The following PCDHGB5 variants were observed in gnomAD, a reference collection of about 807,000 sequenced individuals.
PCDHGB5 encodes the protein protocadherin gamma-B5.
Under a neutral mutation model 62.9 loss-of-function variants are expected in PCDHGB5, and 48 were observed. The observed-to-expected ratio is 0.76, with a 90% CI of 0.61 to 0.97. The LOEUF (loss-of-function observed/expected upper bound fraction) is 0.97, where lower values mean the gene tolerates loss of function less well. PCDHGB5 is among the 50% of genes least tolerant of loss of function. PCDHGB5 has a pLI of 0.00. For missense variants in PCDHGB5, 1,118 were observed against 1,198.6 expected (o/e 0.93, Z 0.99); for synonymous variants, 474 against 511.2 (o/e 0.93, Z 0.98).
In PCDHGB5 at chr5:141,490,007, C is replaced by T. The variant is rs766407642; in HGVS notation, c.2398-4800C>T. On this transcript the variant is annotated intron_variant, in intron 1 of 3. Coordinates refer to ENST00000617380, the MANE Select transcript of PCDHGB5 (RefSeq NM_018925.3). The surrounding 1 kb of genome is among the most constrained non-coding windows in gnomAD (Gnocchi z 5.4). ...CGTGTGGGAATCCCAGAGAATGCACCCATTGGTACTCTGCTGCTCCGCCTC... is the reference window on the plus strand; with the variant it reads ...CGTGTGGGAATCCCAGAGAATGCACTCATTGGTACTCTGCTGCTCCGCCTC... 6.2e-7 allele frequency: 1 copy of T among 1,614,200 alleles called. No homozygotes were observed. The highest frequency in any genetic ancestry group is 8.5e-7 in the Non-Finnish European group (1 of 1,180,016).
In PCDHGB5 at chr5:141,400,602, A is replaced by C; in HGVS notation, c.2397+78A>C. 3.1e-6 allele frequency: 5 copies of C among 1,590,234 alleles called. No homozygotes were observed. In the South Asian group the frequency reaches 5.6e-5, roughly 18 times the overall value. ...TTACATGAAACTATCGTACATTTTCAAGTCCAATGAGTTGTCTTAGGGAAG... is the reference window on the plus strand; with the variant it reads ...TTACATGAAACTATCGTACATTTTCCAGTCCAATGAGTTGTCTTAGGGAAG... On this transcript the variant is annotated intron_variant, in intron 1 of 3. Transcript: ENST00000617380.
intron 1 of PCDHGB5, among the ~76,000 whole-genome samples, chr5:141,435,011 A>G (rs2097737147): frequency 6.6e-6 from 1 of 152,126 alleles, no homozygotes; most frequent in African/African-American, 2.4e-5. Flanking sequence ...TTTATCAATG[A>G]TAATGCTCTT....
intron 1 of PCDHGB5, among the ~76,000 whole-genome samples, chr5:141,488,238 C>G (rs374846692): frequency 6.6e-6 from 1 of 152,154 alleles, no homozygotes; most frequent in African/African-American, 2.4e-5. Context: ...GAACTAGATG[C>G]GGTAAATTGG....
rs767397479 is a variant in PCDHGB5 at position 141,430,717 on chromosome 5, T to C, written c.2397+30193T>C. On this transcript the variant is annotated intron_variant, in intron 1 of 3. Transcript: ENST00000617380. ...GCGAAGGAACTGCTCCTGACTTCAG[T>C]GGTTAAGGGCAGAATTGAAAATAAT... is the stretch of plus-strand genomic sequence containing the variant. The C allele has an allele frequency of 8.1e-6, 12 of 1,475,446 alleles. No individual in the cohort carries two copies. The East Asian group carries it at 2.4e-4, about 29-fold the overall frequency. 91.4% of individuals were successfully genotyped at this position (1,475,446 alleles called of 1,614,324 possible). A position where few individuals can be genotyped will look rare whatever the true frequency, so the allele number is the denominator to read the frequency against.
chr5:141,478,164 C>T, intron 1 of PCDHGB5: 1 of 1,614,010 alleles, frequency 6.2e-7, no homozygotes, highest in Non-Finnish European at 8.5e-7. Context: ...GGCTCTGCCC[C>T]CCGGGAGCAG....
chr5:141,478,259 T>A lies in PCDHGB5; in HGVS notation c.2398-16548T>A, dbSNP rs534973741. ...GGTCACAGTGTTCGGAGTAATCATA[T>A]TCAAAGTTTACAAGTGGAAGCAGTC... On this transcript the variant is annotated intron_variant, in intron 1 of 3. Transcript: ENST00000617380. 3.2e-5 allele frequency: 52 copies of A among 1,614,064 alleles called. No individual in the cohort carries two copies. The highest frequency in any genetic ancestry group is 4.4e-5 in the Non-Finnish European group (52 of 1,180,048).
intron 3 of PCDHGB5, among the ~76,000 whole-genome samples, chr5:141,509,265 C>G (rs1296179995): frequency 1.3e-5 from 2 of 152,138 alleles, no homozygotes; most frequent in African/African-American, 4.8e-5. Flanking sequence ...TTTAGTCACT[C>G]TCGCTACCCG....
chr5:141,468,950 T>TG (rs752125489), intron 1 of PCDHGB5, among the ~76,000 whole-genome samples: 34 of 140,680 alleles, frequency 2.4e-4, no homozygotes, highest in African/African-American at 4.9e-4. Context: ...GGTAAACCTG[T>TG]GGTTTTTTTT....
At position 141,475,845 on chromosome 5, in the gene PCDHGB5, G is replaced by A. The variant is rs2099375736; in HGVS notation, c.2398-18962G>A. On this transcript the variant is annotated intron_variant, in intron 1 of 3. Coordinates refer to ENST00000617380, the MANE Select transcript of PCDHGB5 (RefSeq NM_018925.3). ...CGCTAGCGCGTGTCCTGCTCAGAGA[G>A]CCCGGCGCTAGCTCATTCTTCGTGC... The A allele has an allele frequency of 2.0e-5, 9 of 447,884 alleles. 1 individual carries two copies. In the South Asian group the frequency reaches 2.8e-4, roughly 14 times the overall value. 27.7% of individuals were successfully genotyped at this position (447,884 alleles called of 1,614,324 possible).
intron 1 of PCDHGB5, among the ~76,000 whole-genome samples, chr5:141,468,000 C>G (rs1429450909): frequency 6.6e-6 from 1 of 152,028 alleles, no homozygotes; most frequent in East Asian, 1.9e-4. Flanking sequence ...ATTCTTTCTT[C>G]CTCTGTTATA....
chr5:141,414,376 T>G, intron 1 of PCDHGB5: 1 of 1,613,824 alleles, frequency 6.2e-7, no homozygotes, highest in Non-Finnish European at 8.5e-7. Flanking sequence ...ATTAGAAAAG[T>G]CCATTGACAG....
intron 2 of PCDHGB5, among the ~76,000 whole-genome samples, chr5:141,496,468 C>T (rs1410143575): frequency 2.0e-5 from 3 of 152,126 alleles, no homozygotes; most frequent in Non-Finnish European, 4.4e-5. Context: ...AGTTATCTTT[C>T]CCCCATCCTG....
At chr5:141,435,004 A>G (rs1481428383) in intron 1 of PCDHGB5, among the ~76,000 whole-genome samples, 1 of 152,096 alleles carries the variant, frequency 6.6e-6, no homozygotes, top group Non-Finnish European at 1.5e-5. Flanking sequence ...AGCTGAATTT[A>G]TCAATGATAA....
At chr5:141,464,748 T>C (rs995568259) in intron 1 of PCDHGB5, among the ~76,000 whole-genome samples, 2 of 152,190 alleles carry the variant, frequency 1.3e-5, no homozygotes, top group Admixed American at 1.3e-4. Context: ...TATCTTTTTG[T>C]TTTTTTAGAG....
chr5:141,478,532 G>T, intron 1 of PCDHGB5: 1 of 1,607,858 alleles, frequency 6.2e-7, no homozygotes, highest in East Asian at 2.2e-5. Flanking sequence ...TGCAGAGAGC[G>T]CCCCTCCCGG....
intron 1 of PCDHGB5, chr5:141,422,893 C>T (rs1405800318): frequency 3.1e-6 from 5 of 1,614,128 alleles, no homozygotes; most frequent in Admixed American, 3.3e-5. Flanking sequence ...CGTGCTGGAC[C>T]AGAACGACAA....
intron 1 of PCDHGB5, chr5:141,413,123 A>T: frequency 6.5e-7 from 1 of 1,526,818 alleles, no homozygotes. Flanking sequence ...GAACCGGTTG[A>T]AACACACAAC....
chr5:141,447,428 G>C (rs542079336), intron 1 of PCDHGB5, among the ~76,000 whole-genome samples: 1 of 152,184 alleles, frequency 6.6e-6, no homozygotes, highest in African/African-American at 2.4e-5. Flanking sequence ...GTGAGCCACC[G>C]CACCCGGAGG....
chr5:141,456,327 G>C (rs917430790), intron 1 of PCDHGB5, among the ~76,000 whole-genome samples: 1 of 152,186 alleles, frequency 6.6e-6, no homozygotes, highest in African/African-American at 2.4e-5. Flanking sequence ...TCCTGGGGTT[G>C]ATCTAAGGGT....
Sources: gnomAD v4.1 joint callset for allele counts (sites outside exome capture counted in the v4.1 genomes callset) on GRCh38, gnomAD v4.1.1 for gene constraint, Gnocchi (gnomAD v3.1) non-coding constraint, MANE v1.5 for transcripts, NCBI Gene and HGNC (gene_info 2026-07-23, HGNC 2026-07-21) for gene names.